ACBD5: variants seen among roughly 807,000 people sequenced by gnomAD.
ACBD5 encodes the protein acyl-CoA binding domain containing 5, also known as acyl-CoA-binding domain-containing protein 5.
ACBD5 carries 40 observed loss-of-function variants against 71.8 expected under a neutral mutation model. That is an observed-to-expected ratio of 0.56 (90% CI 0.43 to 0.72). The LOEUF (loss-of-function observed/expected upper bound fraction) is 0.72. Ranked by LOEUF, ACBD5 falls within the 30% of genes least tolerant of loss-of-function variation. The pLI is 0.00. For missense variants in ACBD5, 559 were observed against 644.5 expected (o/e 0.87, Z 1.44); for synonymous variants, 229 against 218.6 (o/e 1.05, Z -0.42).
At chr10:27,212,721 T>C (rs116954651) in intron 8 of ACBD5, among the ~76,000 whole-genome samples, 1 of 152,036 alleles carries the variant, frequency 6.6e-6, no homozygotes, top group Non-Finnish European at 1.5e-5. Flanking sequence ...CTAAGTTTTT[T>C]ATTTTTTTGT....
chr10:27,192,482 CTG>C (rs1398771251), downstream of ACBD5, among the ~76,000 whole-genome samples: 1 of 152,054 alleles, frequency 6.6e-6, no homozygotes, highest in African/African-American at 2.4e-5. Context: ...ATGTCCATTA[CTG>C]TGAGTCACGA....
intron 4 of ACBD5, among the ~76,000 whole-genome samples, chr10:27,227,856 G>A (rs759129228): frequency 5.3e-5 from 8 of 151,944 alleles, no homozygotes; most frequent in Non-Finnish European, 1.0e-4. Flanking sequence ...GAGATTACAA[G>A]CGCCCGCCAC....
At chr10:27,217,893 A>T in intron 7 of ACBD5, 87 bp downstream of exon 7, 1 of 1,212,248 alleles carries the variant, frequency 8.2e-7, no homozygotes, top group Non-Finnish European at 1.2e-6. Flanking sequence ...AGAGATTTTT[A>T]AATTAAACTG....
At chr10:27,221,270 G>C (rs1039689448) in intron 5 of ACBD5, among the ~76,000 whole-genome samples, 1 of 152,290 alleles carries the variant, frequency 6.6e-6, no homozygotes, top group East Asian at 1.9e-4. Flanking sequence ...AAGAGAATGT[G>C]ATTTTTGCAG....
At chr10:27,213,813 C>T (rs7090639) in intron 8 of ACBD5, among the ~76,000 whole-genome samples, 10,562 of 151,874 alleles carry the variant, frequency 0.07, 687 homozygotes, top group African/African-American at 0.17. Context: ...AATTCCACTG[C>T]TGGCTGTATA....
intron 4 of ACBD5, among the ~76,000 whole-genome samples, chr10:27,226,442 T>TACTACACAC (rs1414706334): frequency 4.3e-5 from 5 of 115,970 alleles, no homozygotes; most frequent in Non-Finnish European, 6.9e-5. Flanking sequence ...ACACATGAGA[T>TACTACACAC]ACAGACTACA....
chr10:27,207,621 G>A (rs2060606263), intron 10 of ACBD5, among the ~76,000 whole-genome samples: 1 of 152,182 alleles, frequency 6.6e-6, no homozygotes, highest in Admixed American at 6.5e-5. Context: ...TGTTACTCAA[G>A]AAGCGGCAGC....
chr10:27,205,377 A>G (rs1589042744), intron 10 of ACBD5, 129 bp from the exon 11 acceptor site: 2 of 858,622 alleles, frequency 2.3e-6, no homozygotes, highest in Admixed American at 1.9e-5. Flanking sequence ...TTCTTTATGT[A>G]TAGAACAGTT....
At chr10:27,205,312 T>G in intron 10 of ACBD5, 64 bp from the exon 11 acceptor site, 1 of 1,528,114 alleles carries the variant, frequency 6.5e-7, no homozygotes, top group Non-Finnish European at 9.0e-7. Context: ...TTATTCTATT[T>G]CCTATCTTTT....
chr10:27,199,758 A>C (rs2059716959), intron 12 of ACBD5, among the ~76,000 whole-genome samples: 1 of 152,166 alleles, frequency 6.6e-6, no homozygotes, highest in Admixed American at 6.6e-5. Flanking sequence ...ATTACATGAT[A>C]GCAATTTAGG....
At chr10:27,205,120 C>G in intron 11 of ACBD5, 78 bp downstream of exon 11, 2 of 1,412,244 alleles carry the variant, frequency 1.4e-6, no homozygotes, top group South Asian at 2.3e-5. Context: ...GAGCGAGACT[C>G]CGTATCAAAC....
At chr10:27,241,815 C>T (rs1251574408), upstream of ACBD5, among the ~76,000 whole-genome samples, 1 of 152,104 alleles carries the variant, frequency 6.6e-6, no homozygotes, top group Non-Finnish European at 1.5e-5. Flanking sequence ...GTGCCCTGGG[C>T]CTTCAACTTA....
intron 13 of ACBD5, among the ~76,000 whole-genome samples, chr10:27,189,750 G>A (rs1017068880): frequency 7.1e-6 from 1 of 140,134 alleles, no homozygotes; most frequent in African/African-American, 2.7e-5. Context: ...ATGTACCCTA[G>A]AACTTAAAGT....
intron 6 of ACBD5, 74 bp downstream of exon 6, chr10:27,219,649 A>C: frequency 6.3e-7 from 1 of 1,584,560 alleles, no homozygotes. Context: ...CTACAATACC[A>C]AATCAGCCCA....
intron 10 of ACBD5, among the ~76,000 whole-genome samples, chr10:27,207,998 G>C (rs1216600678): frequency 1.3e-5 from 2 of 152,148 alleles, no homozygotes; most frequent in African/African-American, 2.4e-5. Flanking sequence ...GCCTCCCAAA[G>C]TGTTGGGATT....
At chr10:27,191,973 G>T (rs1243794487), downstream of ACBD5, among the ~76,000 whole-genome samples, 2 of 151,992 alleles carry the variant, frequency 1.3e-5, no homozygotes, top group Non-Finnish European at 2.9e-5. Flanking sequence ...AAAATTAGTA[G>T]AAGAAATAAT....
chr10:27,202,969 C>CTTTTTTTTTTT (rs775633178), intron 12 of ACBD5, among the ~76,000 whole-genome samples: 3 of 70,766 alleles, frequency 4.2e-5, no homozygotes, highest in African/African-American at 6.0e-5. Context: ...TCTATATCCT[C>CTTTTTTTTTTT]TTTTTTTTTT....
Position 27,240,652 on chromosome 10 carries a change from C to A in ACBD5, c.15+22G>T. On this transcript the variant is annotated intron_variant, in intron 1 of 12. Transcript: ENST00000396271. The surrounding 1 kb of genome is among the most constrained non-coding windows in gnomAD (Gnocchi z 4.1). ...TGACTAAGGCCACGAATCCGGCCCGCGACGACAGCAAAACAACTCACCGAG... is the reference window on the plus strand; with the variant it reads ...TGACTAAGGCCACGAATCCGGCCCGAGACGACAGCAAAACAACTCACCGAG... 2 of 1,551,112 alleles carry A rather than the reference C, an allele frequency of 1.3e-6. No homozygotes were observed. The highest frequency in any genetic ancestry group is 1.7e-6 in the Non-Finnish European group (2 of 1,146,974).
chr10:27,237,570 G>T (rs994550670), intron 2 of ACBD5, among the ~76,000 whole-genome samples: 1 of 150,730 alleles, frequency 6.6e-6, no homozygotes, highest in African/African-American at 2.4e-5. Context: ...AGTTTCAGGG[G>T]ATAACAGTAT....
Sources: allele counts gnomAD v4.1 joint callset (sites outside exome capture counted in the v4.1 genomes callset), GRCh38; gene constraint gnomAD v4.1.1; non-coding constraint Gnocchi (gnomAD v3.1); transcripts MANE v1.5; gene names NCBI Gene and HGNC (gene_info 2026-07-23, HGNC 2026-07-21).